SMCHD1: variants seen among roughly 807,000 people sequenced by gnomAD.
SMCHD1 encodes structural maintenance of chromosomes flexible hinge domain-containing protein 1.
SMCHD1 carries 78 observed loss-of-function variants against 254.7 expected under a neutral mutation model. The observed-to-expected ratio is 0.31, with a 90% CI of 0.26 to 0.37. The LOEUF (loss-of-function observed/expected upper bound fraction) is 0.37, where lower values mean the gene tolerates loss of function less well. SMCHD1 is among the 10% of genes least tolerant of loss of function. The pLI is 1.00. For missense variants in SMCHD1, 1,840 were observed against 2,408.1 expected (o/e 0.76, Z 4.94); for synonymous variants, 766 against 794.9 (o/e 0.96, Z 0.61).
intron 7 of SMCHD1, among the ~76,000 whole-genome samples, chr18:2,690,316 A>G (rs1432129343): frequency 6.6e-6 from 1 of 152,240 alleles, no homozygotes; most frequent in Non-Finnish European, 1.5e-5. Flanking sequence ...AATGAATGTA[A>G]CATAATTTCA....
intron 1 of SMCHD1, among the ~76,000 whole-genome samples, chr18:2,662,396 A>G (rs1015564896): frequency 6.6e-6 from 1 of 151,954 alleles, no homozygotes; most frequent in Non-Finnish European, 1.5e-5. Flanking sequence ...CTCTAATCCC[A>G]GCACTTTGGG....
At chr18:2,755,530 T>G (rs2075656351) in intron 34 of SMCHD1, among the ~76,000 whole-genome samples, 1 of 151,638 alleles carries the variant, frequency 6.6e-6, no homozygotes, top group African/African-American at 2.4e-5. Flanking sequence ...GGTTTGTTAT[T>G]TTCCAGTTTT....
At chr18:2,742,544 ATTC>A (rs892067887) in intron 28 of SMCHD1, among the ~76,000 whole-genome samples, 3 of 152,214 alleles carry the variant, frequency 2.0e-5, no homozygotes, top group African/African-American at 7.2e-5. Context: ...ATATTGAAAA[ATTC>A]TTCTGTGCTT....
intron 1 of SMCHD1, among the ~76,000 whole-genome samples, chr18:2,664,101 A>G (rs954110548): frequency 6.6e-6 from 1 of 152,156 alleles, no homozygotes; most frequent in Non-Finnish European, 1.5e-5. Context: ...CAGTGTACTC[A>G]TCCAGATTCA....
At chr18:2,762,838 C>T (rs2075809817) in intron 36 of SMCHD1, among the ~76,000 whole-genome samples, 1 of 152,102 alleles carries the variant, frequency 6.6e-6, no homozygotes, top group Non-Finnish European at 1.5e-5. Context: ...GTATCTATCA[C>T]GAATGAGTGT....
intron 15 of SMCHD1, 26 bp downstream of exon 15, chr18:2,706,496 CA>C: frequency 6.8e-7 from 1 of 1,465,542 alleles, no homozygotes; most frequent in South Asian, 1.2e-5. Flanking sequence ...AGATGCATGA[CA>C]AAAATAAGAA....
intron 45 of SMCHD1, among the ~76,000 whole-genome samples, chr18:2,792,541 G>A (rs1014817123): frequency 1.3e-5 from 2 of 152,162 alleles, no homozygotes; most frequent in African/African-American, 4.8e-5. Flanking sequence ...GACATCCACT[G>A]GGGGTCTTGG....
Position 2,802,762 on chromosome 18 carries a change from A to C in SMCHD1, c.*210A>C. 1 of 445,028 alleles carries C rather than the reference A, an allele frequency of 2.2e-6. No individual in the cohort carries two copies. The highest frequency in any genetic ancestry group is 3.5e-5 in the East Asian group (1 of 28,396). The allele number at this position is 445,028 out of a possible 1,614,324, so 27.6% of individuals were successfully genotyped here. ...TTACTGGACATTATGGATTTACTGG[A>C]ATTATTCCAGACATTATGCCCTTTG... On this transcript the variant is annotated 3_prime_UTR_variant, in exon 48 of 48. Transcript: ENST00000320876.
intron 5 of SMCHD1, 96 bp downstream of exon 5, chr18:2,674,241 G>T: frequency 2.1e-6 from 2 of 959,832 alleles, no homozygotes; most frequent in Non-Finnish European, 2.9e-6. Context: ...ATACATTGGA[G>T]GTTTTACTGT....
rs551633511 is a variant in SMCHD1, at chr18:2,803,114, G to C, written c.*562G>C. On this transcript the variant is annotated 3_prime_UTR_variant, in exon 48 of 48. Coordinates refer to ENST00000320876, the MANE Select transcript of SMCHD1 (RefSeq NM_015295.3). ...GGGAATTGAAATGTTAAGATACCCA[G>C]AACAACATTAAATCAATGAGTGAAC... The C allele has an allele frequency of 6.7e-6, 1 of 150,324 alleles. No individual in the cohort carries two copies. Among genetic ancestry groups the C allele is most frequent in the African/African-American group, 2.4e-5 (1 of 41,040 alleles). The allele number at this position is 150,324 out of a possible 1,614,324, so 9.3% of individuals were successfully genotyped here.
chr18:2,691,746 A>G (rs371358798), intron 7 of SMCHD1: 16 of 152,264 alleles, frequency 1.1e-4, no homozygotes, highest in African/African-American at 3.6e-4. Context: ...ATCTGAAGTT[A>G]TCCTGGAGGG....
chr18:2,771,736 C>A, intron 40 of SMCHD1, 118 bp downstream of exon 40: 1 of 716,796 alleles, frequency 1.4e-6, no homozygotes, highest in Non-Finnish European at 2.1e-6. Flanking sequence ...CAAAGACGTG[C>A]ATTATCGTCA....
rs772727083 is a variant in SMCHD1 at position 2,762,273 on chromosome 18, C to T, written c.4566+37C>T. 5.0e-6 allele frequency: 8 copies of T among 1,597,710 alleles called. No individual in the cohort carries two copies. In the South Asian group the frequency reaches 8.9e-5, roughly 18 times the overall value. ...TTTCTTCCAAAACTGCGAAGGGTAA[C>T]AAGAAAAATTATCTTTGATTTTAGG... is the stretch of plus-strand genomic sequence containing the variant. On this transcript the variant is annotated intron_variant, in intron 36 of 47. Transcript: ENST00000320876.
chr18:2,706,016 AT>A (rs1352240917), intron 14 of SMCHD1, among the ~76,000 whole-genome samples: 1 of 152,190 alleles, frequency 6.6e-6, no homozygotes, highest in Non-Finnish European at 1.5e-5. Flanking sequence ...ACATATATAC[AT>A]TATAACTAGT....
chr18:2,700,405 A>T, intron 10 of SMCHD1, 134 bp from the exon 11 acceptor site: 1 of 937,416 alleles, frequency 1.1e-6, no homozygotes, highest in Non-Finnish European at 1.6e-6. Context: ...TTGTAAACCT[A>T]CCTTTTTGTG....
chr18:2,742,530 C>T (rs1344859505), intron 28 of SMCHD1, among the ~76,000 whole-genome samples: 1 of 152,150 alleles, frequency 6.6e-6, no homozygotes, highest in African/African-American at 2.4e-5. Flanking sequence ...AATTAGTTTT[C>T]TGAATATTGA....
At position 2,769,818 on chromosome 18, in the gene SMCHD1, A is replaced by G; in HGVS notation, c.4844A>G (p.Asn1615Ser). ...EPYILPFMFYNDVKKQQQMAA... is the reference protein window; with the variant it reads ...EPYILPFMFYSDVKKQQQMAA... ...TATATCCTACCGTTCATGTTTTACA[A>G]TGGTAAGTTTCTAGGAAATAAATGG... The change falls in exon 38 of 48, where the codon AAT becomes AGT. Residue 1615 changes from asparagine (N) to serine (S), a missense_variant and splice_region_variant. Around this residue, in one of 9 missense-constraint regions of SMCHD1, gnomAD observed 881 missense variants for 1,009.5 expected, o/e 0.87. Coordinates refer to ENST00000320876, the MANE Select transcript of SMCHD1 (RefSeq NM_015295.3). The G allele has an allele frequency of 1.3e-6, 2 of 1,599,462 alleles. No individual in the cohort carries two copies. Among genetic ancestry groups the G allele is most frequent in the Non-Finnish European group, 1.7e-6 (2 of 1,172,550 alleles).
intron 3 of SMCHD1, among the ~76,000 whole-genome samples, chr18:2,671,049 G>C (rs2073584444): frequency 6.8e-6 from 1 of 147,640 alleles, no homozygotes; most frequent in South Asian, 2.1e-4. Flanking sequence ...CAATTCCCCT[G>C]CCTCAGCCTC....
Position 2,749,910 on chromosome 18 carries a change from A to G in SMCHD1, c.3928-133A>G, listed in dbSNP as rs2019793. ...ATTCCAACTAGTTCAGATTTTTAAAATTTAGATTTTAGAAGTATGCAAATA... is the reference window on the plus strand; with the variant it reads ...ATTCCAACTAGTTCAGATTTTTAAAGTTTAGATTTTAGAAGTATGCAAATA... On this transcript the variant is annotated intron_variant, in intron 30 of 47. Transcript: ENST00000320876. The G allele has an allele frequency of 0.094, 69,221 of 732,934 alleles. 5,614 individuals carry two copies. The highest frequency in any genetic ancestry group is 0.39 in the East Asian group (13,969 of 35,984). The allele number at this position is 732,934 out of a possible 1,614,324, so 45.4% of individuals were successfully genotyped here. A position where few individuals can be genotyped will look rare whatever the true frequency, so the allele number is the denominator to read the frequency against.
Sources: gnomAD v4.1 joint callset for allele counts (sites outside exome capture counted in the v4.1 genomes callset) on GRCh38, gnomAD v4.1.1 for gene constraint, gnomAD v4.1.1 regional missense constraint, MANE v1.5 for transcripts, NCBI Gene and HGNC (gene_info 2026-07-23, HGNC 2026-07-21) for gene names.